PPARA: variants seen among roughly 807,000 people sequenced by gnomAD.
PPARA encodes peroxisome proliferator-activated receptor alpha.
PPARA carries 22 observed loss-of-function variants against 42.2 expected under a neutral mutation model. That is an observed-to-expected ratio of 0.52 (90% confidence interval 0.37 to 0.74). The LOEUF (loss-of-function observed/expected upper bound fraction) is 0.74. Among genes scored for constraint, PPARA ranks in the 30% least tolerant of loss-of-function variants. The pLI is 0.00. For synonymous variants in PPARA, 242 were observed against 239.3 expected (o/e 1.01, Z -0.10); for missense variants, 465 against 608.2 (o/e 0.76, Z 2.48).
At chr22:46,152,389 T>TC (rs964034223) in intron 2 of PPARA, among the ~76,000 whole-genome samples, 4 of 152,166 alleles carry the variant, frequency 2.6e-5, no homozygotes, top group African/African-American at 9.7e-5. Context: ...CACCTGTTCC[T>TC]CCCAAAGTGC....
rs148495203 is a variant in PPARA, at chr22:46,223,164, G to A, written c.711+3150G>A. ...AAGCGAGACTCTCTAAAAAAAATTCGAAGCAGAGTTAAGTTGTCTTTCTTC... is the reference window on the plus strand; with the variant it reads ...AAGCGAGACTCTCTAAAAAAAATTCAAAGCAGAGTTAAGTTGTCTTTCTTC... On this transcript the variant is annotated intron_variant, in intron 7 of 8. Transcript: ENST00000407236. Among the ~76,000 whole-genome samples the A allele has an allele frequency of 2.8e-4, 43 of 151,960 alleles. 1 individual carries two copies. The highest frequency in any genetic ancestry group is 1.7e-3 in the South Asian group (8 of 4,810).
In PPARA at chr22:46,165,172, A is replaced by T. The variant is rs1289400627; in HGVS notation, c.-126-11581A>T. On this transcript the variant is annotated intron_variant, in intron 2 of 8. Transcript: ENST00000407236. The surrounding 1 kb of genome is among the most constrained non-coding windows in gnomAD (Gnocchi z 5.5). Reference sequence around the variant, plus strand: ...CATATCAGCCTCCCGAGGAGCTGGGACTACAGGCGCCTGCCACCACACCTG... The same window carrying T: ...CATATCAGCCTCCCGAGGAGCTGGGTCTACAGGCGCCTGCCACCACACCTG... 2 of 152,234 alleles carry T rather than the reference A, an allele frequency of 1.3e-5. No individual in the cohort carries two copies. The highest frequency in any genetic ancestry group is 4.8e-5 in the African/African-American group (2 of 41,428). 9.4% of individuals were successfully genotyped at this position (152,234 alleles called of 1,614,324 possible).
At position 46,187,045 on chromosome 22, in the gene PPARA, C is replaced by A. The variant is rs1930917090; in HGVS notation, c.-43+10209C>A. ...TAACTAAAACCAAGGAAAGTGAAAC[C>A]ATGGATAAGGGATATCTACTGTATA... On this transcript the variant is annotated intron_variant, in intron 3 of 8. Coordinates refer to ENST00000407236, the MANE Select transcript of PPARA (RefSeq NM_005036.6). The surrounding 1 kb of genome is among the most constrained non-coding windows in gnomAD (Gnocchi z 4.9). 6.6e-6 allele frequency among the ~76,000 whole-genome samples: 1 copy of A among 152,156 alleles called. No individual in the cohort carries two copies. Among genetic ancestry groups the A allele is most frequent in the African/African-American group, 2.4e-5 (1 of 41,424 alleles).
In PPARA at chr22:46,216,066, G is replaced by A. The variant is rs962374658; in HGVS notation, c.369+733G>A. 7.9e-5 allele frequency among the ~76,000 whole-genome samples: 12 copies of A among 152,174 alleles called. No homozygotes were observed. Among genetic ancestry groups the A allele is most frequent in the African/African-American group, 2.9e-4 (12 of 41,444 alleles). ...CCTCTGTGCTTTGTAAATACTTAGA[G>A]AAGTGCATTCTTTAAAAGAAAATAA... is the stretch of plus-strand genomic sequence containing the variant. On this transcript the variant is annotated intron_variant, in intron 5 of 8. Transcript: ENST00000407236. The surrounding 1 kb of genome is among the most constrained non-coding windows in gnomAD (Gnocchi z 4.5).
rs1197697972 is a variant in PPARA at position 46,211,375 on chromosome 22, A to C, written c.209-3798A>C. Among the ~76,000 whole-genome samples, 1 of 152,142 alleles carries C rather than the reference A, an allele frequency of 6.6e-6. No individual in the cohort carries two copies. The highest frequency in any genetic ancestry group is 1.5e-5 in the Non-Finnish European group (1 of 68,030). ...GTTAACCCACACCCTGTGGGAAAAA[A>C]ACTCCATCAGCTAGAGCACAGTGTT... On this transcript the variant is annotated intron_variant, in intron 4 of 8. Coordinates refer to ENST00000407236, the MANE Select transcript of PPARA (RefSeq NM_005036.6). The surrounding 1 kb of genome is among the most constrained non-coding windows in gnomAD (Gnocchi z 4.1).
chr22:46,198,356 G>C lies in PPARA; in HGVS notation c.-28G>C. On this transcript the variant is annotated 5_prime_UTR_variant, in exon 4 of 9. Coordinates refer to ENST00000407236, the MANE Select transcript of PPARA (RefSeq NM_005036.6). ...TTTCCTCCCAGTAGCTTGGAGCTCGGCGGCACAACCAGCACCATCTGGTCG... is the reference window on the plus strand; with the variant it reads ...TTTCCTCCCAGTAGCTTGGAGCTCGCCGGCACAACCAGCACCATCTGGTCG... 1.9e-6 allele frequency: 3 copies of C among 1,608,240 alleles called. No individual in the cohort carries two copies. Among genetic ancestry groups the C allele is most frequent in the Non-Finnish European group, 2.6e-6 (3 of 1,175,104 alleles).
At chr22:46,218,116 C>A in intron 5 of PPARA, 147 bp from the exon 6 acceptor site, 1 of 1,102,374 alleles carries the variant, frequency 9.1e-7, no homozygotes, top group South Asian at 1.4e-5. Flanking sequence ...CAGGCATGAT[C>A]ACCATGCCTG....
rs5767708 is a variant in PPARA at position 46,218,572 on chromosome 22, G to A, written c.508+171G>A. On this transcript the variant is annotated intron_variant, in intron 6 of 8. Coordinates refer to ENST00000407236, the MANE Select transcript of PPARA (RefSeq NM_005036.6). ...AAGTCGCCCAGGCGCGGTGGTTCAC[G>A]CCTGTAATCCCAGCACTTTGGGAGG... 7.6e-3 allele frequency among the ~76,000 whole-genome samples: 1,157 copies of A among 151,552 alleles called. 31 individuals carry two copies. In the East Asian group the frequency reaches 0.082, roughly 11 times the overall value.
rs1447027380 is a variant in PPARA, at chr22:46,167,913, CA to C, written c.-126-8839del. ...AAAAATAAAAAGCCTGTGCCAGGCA[CA>C]GTGGCACATGTCTGTAGTCCTAGCT... On this transcript the variant is annotated intron_variant, in intron 2 of 8. Coordinates refer to ENST00000407236, the MANE Select transcript of PPARA (RefSeq NM_005036.6). This position sits in a 1 kb window ranked among gnomAD's most constrained non-coding sequence, Gnocchi z 4.1. Among the ~76,000 whole-genome samples the C allele has an allele frequency of 6.6e-6, 1 of 151,714 alleles. No individual in the cohort carries two copies. Among genetic ancestry groups the C allele is most frequent in the Non-Finnish European group, 1.5e-5 (1 of 67,950 alleles).
Position 46,235,499 on chromosome 22 carries a change from C to G in PPARA, c.*119C>G, listed in dbSNP as rs1234847591. 15 of 1,335,672 alleles carry G rather than the reference C, an allele frequency of 1.1e-5. No individual in the cohort carries two copies. Among genetic ancestry groups the G allele is most frequent in the Non-Finnish European group, 1.1e-5 (11 of 960,440 alleles). 82.7% of individuals were successfully genotyped at this position (1,335,672 alleles called of 1,614,324 possible). A position where few individuals can be genotyped will look rare whatever the true frequency, so the allele number is the denominator to read the frequency against. ...CACCACTTTAACCTTAGAGCTTGGA[C>G]AGTCTGAGCTGTAGGTAACCGGCAT... On this transcript the variant is annotated 3_prime_UTR_variant, in exon 9 of 9. Transcript: ENST00000407236. The surrounding 1 kb of genome is among the most constrained non-coding windows in gnomAD (Gnocchi z 7.0).
At chr22:46,168,379 GA>G (rs1927437856) in intron 2 of PPARA, among the ~76,000 whole-genome samples, 1 of 84,120 alleles carries the variant, frequency 1.2e-5, no homozygotes. Context: ...AAAAAAAAAA[GA>G]AGAAAGCATA....
chr22:46,208,887 CT>C (rs1933648005), intron 4 of PPARA, among the ~76,000 whole-genome samples: 1 of 151,392 alleles, frequency 6.6e-6, no homozygotes, highest in Admixed American at 6.6e-5. Flanking sequence ...TTTTTTAAGG[CT>C]GAATAGTATT....
rs1931511010 is a variant in PPARA, at chr22:46,191,309, C to T, written c.-42-7033C>T. Among the ~76,000 whole-genome samples the T allele has an allele frequency of 6.6e-6, 1 of 152,200 alleles. No homozygotes were observed. Among genetic ancestry groups the T allele is most frequent in the African/African-American group, 2.4e-5 (1 of 41,446 alleles). ...ACACGGCAGCTGCTCTCCAGAAGCCCACAGTGGAGGGGTTTCCCTTCGGTC... is the reference window on the plus strand; with the variant it reads ...ACACGGCAGCTGCTCTCCAGAAGCCTACAGTGGAGGGGTTTCCCTTCGGTC... On this transcript the variant is annotated intron_variant, in intron 3 of 8. Coordinates refer to ENST00000407236, the MANE Select transcript of PPARA (RefSeq NM_005036.6). This position sits in a 1 kb window ranked among gnomAD's most constrained non-coding sequence, Gnocchi z 4.6.
At position 46,192,176 on chromosome 22, in the gene PPARA, T is replaced by A. The variant is rs754260732; in HGVS notation, c.-42-6166T>A. Among the ~76,000 whole-genome samples the A allele has an allele frequency of 6.6e-6, 1 of 152,202 alleles. No individual in the cohort carries two copies. Among genetic ancestry groups the A allele is most frequent in the Non-Finnish European group, 1.5e-5 (1 of 68,032 alleles). ...ATATGTTCCCTAGCCTCACAAAGCA[T>A]ACAGTCTAGTAGGAGAGACAGACAC... On this transcript the variant is annotated intron_variant, in intron 3 of 8. Coordinates refer to ENST00000407236, the MANE Select transcript of PPARA (RefSeq NM_005036.6). This position sits in a 1 kb window ranked among gnomAD's most constrained non-coding sequence, Gnocchi z 4.3.
chr22:46,212,004 T>TTCCTTTCCTC lies in PPARA; in HGVS notation c.209-3159_209-3150dup, dbSNP rs1293785280. Among the ~76,000 whole-genome samples, 1 of 151,236 alleles carries TTCCTTTCCTC rather than the reference T, an allele frequency of 6.6e-6. No homozygotes were observed. Among genetic ancestry groups the TTCCTTTCCTC allele is most frequent in the Non-Finnish European group, 1.5e-5 (1 of 67,840 alleles). ...ACCACACCCGGTCTCTCTCCTTCCTTTCCTTTCCTCTCCTTTCCTTTTCTT... is the reference window on the plus strand; with the variant it reads ...ACCACACCCGGTCTCTCTCCTTCCTTTCCTTTCCTCTCCTTTCCTCTCCTTTCCTTTTCTT... On this transcript the variant is annotated intron_variant, in intron 4 of 8. Coordinates refer to ENST00000407236, the MANE Select transcript of PPARA (RefSeq NM_005036.6). This position sits in a 1 kb window ranked among gnomAD's most constrained non-coding sequence, Gnocchi z 4.2.
In PPARA at chr22:46,180,330, G is replaced by T. The variant is rs964661891; in HGVS notation, c.-43+3494G>T. ...GGTAACAATAGCAGTAATAATAATA[G>T]AAATAATGATAGTTTCTTTAATAAA... On this transcript the variant is annotated intron_variant, in intron 3 of 8. Transcript: ENST00000407236. The surrounding 1 kb of genome is among the most constrained non-coding windows in gnomAD (Gnocchi z 4.2). Among the ~76,000 whole-genome samples, 2 of 151,746 alleles carry T rather than the reference G, an allele frequency of 1.3e-5. No homozygotes were observed. The highest frequency in any genetic ancestry group is 2.4e-5 in the African/African-American group (1 of 41,318).
chr22:46,201,340 T>A (rs1932827760), intron 4 of PPARA, among the ~76,000 whole-genome samples: 1 of 152,142 alleles, frequency 6.6e-6, no homozygotes, highest in South Asian at 2.1e-4. Context: ...GGGGCCTTTG[T>A]GACCGAGCAG....
chr22:46,222,795 G>A lies in PPARA; in HGVS notation c.711+2781G>A, dbSNP rs780604437. 1.3e-5 allele frequency among the ~76,000 whole-genome samples: 2 copies of A among 152,122 alleles called. No homozygotes were observed. The highest frequency in any genetic ancestry group is 2.4e-5 in the African/African-American group (1 of 41,412). On this transcript the variant is annotated intron_variant, in intron 7 of 8. Coordinates refer to ENST00000407236, the MANE Select transcript of PPARA (RefSeq NM_005036.6). This position sits in a 1 kb window ranked among gnomAD's most constrained non-coding sequence, Gnocchi z 5.9. ...GCACTTTGGGAGGCTGAGGCGGGAG[G>A]ATCACTTGAGGCAATCCAAGAGTTT...
At chr22:46,177,670 A>G (rs1475811929) in intron 3 of PPARA, among the ~76,000 whole-genome samples, 1 of 151,998 alleles carries the variant, frequency 6.6e-6, no homozygotes, top group African/African-American at 2.4e-5. Context: ...TGCCAATGAG[A>G]TAGATCAGAA....
Sources: gnomAD v4.1 joint callset for allele counts (sites outside exome capture counted in the v4.1 genomes callset) on GRCh38, gnomAD v4.1.1 for gene constraint, Gnocchi (gnomAD v3.1) non-coding constraint, MANE v1.5 for transcripts, NCBI Gene and HGNC (gene_info 2026-07-23, HGNC 2026-07-21) for gene names.